The following USP50 variants were observed in gnomAD, a reference collection of about 807,000 sequenced individuals.
USP50 encodes ubiquitin carboxyl-terminal hydrolase 50.
In USP50, 37 loss-of-function variants were observed where a neutral mutation model predicts 39.2. That is an observed-to-expected ratio of 0.94 (90% CI 0.73 to 1.24). USP50 has a LOEUF of 1.24. USP50 is among the 50% of genes most tolerant of loss of function. The pLI, the probability that USP50 is intolerant of heterozygous loss-of-function variation, is 0.00. For missense variants in USP50, 374 were observed against 398.2 expected (o/e 0.94, Z 0.52); for synonymous variants, 139 against 144.5 (o/e 0.96, Z 0.27).
At chr15:50,498,909 T>C (rs768734813), downstream of USP50, 8 of 1,604,868 alleles carry the variant, frequency 5.0e-6, no homozygotes, top group Non-Finnish European at 5.1e-6. Flanking sequence ...ACAGAATCAC[T>C]ACGGTGGGCT....
intron 5 of USP50, among the ~76,000 whole-genome samples, chr15:50,537,763 G>A (rs763054765): frequency 6.6e-6 from 1 of 150,636 alleles, no homozygotes; most frequent in African/African-American, 2.4e-5. Flanking sequence ...TGGAGGCTGA[G>A]GCAGGAGAAT....
At chr15:50,538,990 C>T in intron 4 of USP50, 139 bp from the exon 5 acceptor site, 1 of 862,820 alleles carries the variant, frequency 1.2e-6, no homozygotes. Context: ...CAGAAGACAA[C>T]AGTCTCACTA....
chr15:50,504,539 A>C (rs1040157049), intron 6 of USP50: 2 of 152,170 alleles, frequency 1.3e-5, no homozygotes, highest in African/African-American at 4.8e-5. Flanking sequence ...CAAAAACAAA[A>C]AACACCAGAA....
At chr15:50,538,917 A>G in intron 4 of USP50, 66 bp from the exon 5 acceptor site, 1 of 1,500,748 alleles carries the variant, frequency 6.7e-7, no homozygotes, top group Non-Finnish European at 8.9e-7. Context: ...CTCTGTTTCT[A>G]TTGGAACTTT....
At chr15:50,507,451 T>C (rs1331236911) in intron 6 of USP50, 3 of 152,190 alleles carry the variant, frequency 2.0e-5, no homozygotes, top group African/African-American at 7.2e-5. Context: ...TAGGTAGATA[T>C]GACCAAGAGA....
chr15:50,518,284 G>A (rs1440834508), intron 6 of USP50, among the ~76,000 whole-genome samples: 6 of 150,692 alleles, frequency 4.0e-5, no homozygotes, highest in Non-Finnish European at 7.4e-5. Context: ...GCAGTGGCGC[G>A]ATCTTGGCTC....
At chr15:50,509,172 A>T (rs1276726873) in intron 6 of USP50, 1 of 144,410 alleles carries the variant, frequency 6.9e-6, no homozygotes, top group Non-Finnish European at 1.5e-5. Flanking sequence ...TTACAAAATT[A>T]GCTGGACATG....
intron 3 of USP50, among the ~76,000 whole-genome samples, chr15:50,542,850 T>C (rs1004680702): frequency 1.3e-5 from 2 of 152,094 alleles, no homozygotes; most frequent in African/African-American, 4.8e-5. Context: ...TGAGAACAAT[T>C]AATAGCTATA....
downstream of USP50, chr15:50,497,398 C>A: frequency 1.4e-6 from 1 of 725,096 alleles, no homozygotes; most frequent in Non-Finnish European, 2.0e-6. Context: ...TGTTAGTTCA[C>A]CTCAGTGTTT....
downstream of USP50, chr15:50,498,500 A>G (rs1210315180): frequency 7.1e-7 from 1 of 1,411,314 alleles, no homozygotes; most frequent in African/African-American, 1.5e-5. Flanking sequence ...TTTGAAATGG[A>G]TTTTACAGTC....
At chr15:50,540,953 C>G in intron 4 of USP50, 96 bp downstream of exon 4, 3 of 891,910 alleles carry the variant, frequency 3.4e-6, no homozygotes, top group Non-Finnish European at 5.2e-6. Flanking sequence ...GTTATAAAGC[C>G]GTCTCTCATA....
At chr15:50,524,748 C>T (rs998187367) in intron 6 of USP50, among the ~76,000 whole-genome samples, 3 of 152,150 alleles carry the variant, frequency 2.0e-5, no homozygotes, top group Non-Finnish European at 4.4e-5. Context: ...GTAACACATG[C>T]CTGTAGTCTC....
chr15:50,544,450 C>A (rs780948299), intron 2 of USP50, 137 bp downstream of exon 2: 1 of 684,420 alleles, frequency 1.5e-6, no homozygotes, highest in Non-Finnish European at 2.3e-6. Context: ...CTTACTCTAG[C>A]GTGTTATCTG....
At chr15:50,532,526 T>A (rs3109899) in intron 5 of USP50, among the ~76,000 whole-genome samples, 28,069 of 151,830 alleles carry the variant, frequency 0.18, 3,346 homozygotes, top group East Asian at 0.47. Flanking sequence ...CCCCTCCGCC[T>A]TACCACCCCA....
Position 50,544,753 on chromosome 15 carries a change from G to A in USP50, c.82C>T (p.Leu28Phe). ...TTCCCATCAGCCTCCTTAACTGGAA[G>A]GGTATCATAGTAATCTGTGCACTCT... is the stretch of plus-strand genomic sequence containing the variant. ...LAECTDYYDT[L>F]PVKEADGNQP... The change falls in exon 2 of 7, where the codon CTT (leucine) becomes TTT (phenylalanine). Residue 28 changes from leucine to phenylalanine, a missense_variant. Coordinates refer to ENST00000532404, the MANE Select transcript of USP50 (RefSeq NM_203494.5). The A allele has an allele frequency of 6.2e-7, 1 of 1,614,022 alleles. No homozygotes were observed. Among genetic ancestry groups the A allele is most frequent in the Non-Finnish European group, 8.5e-7 (1 of 1,179,894 alleles).
At chr15:50,539,391 G>GTTTT (rs55858194) in intron 4 of USP50, among the ~76,000 whole-genome samples, 4,244 of 136,024 alleles carry the variant, frequency 0.031, 180 homozygotes, top group African/African-American at 0.1. Context: ...TAACTTTTCT[G>GTTTT]TTTTTTTTTT....
downstream of USP50, chr15:50,497,205 A>C (rs1312380289): frequency 6.2e-7 from 1 of 1,609,834 alleles, no homozygotes. Context: ...GGAAGTTACC[A>C]CCTGTGCTTT....
At chr15:50,533,366 A>G (rs986163692) in intron 5 of USP50, among the ~76,000 whole-genome samples, 1 of 152,136 alleles carries the variant, frequency 6.6e-6, no homozygotes, top group Non-Finnish European at 1.5e-5. Context: ...GGAAGCTCAG[A>G]GAACACCAAG....
downstream of USP50, chr15:50,499,284 T>C (rs2052528802): frequency 2.4e-6 from 1 of 423,802 alleles, no homozygotes; most frequent in Non-Finnish European, 4.0e-6. Context: ...AATCATCACT[T>C]ACAGGTACCA....
Sources: allele counts gnomAD v4.1 joint callset (sites outside exome capture counted in the v4.1 genomes callset), GRCh38; gene constraint gnomAD v4.1.1; transcripts MANE v1.5; gene names NCBI Gene and HGNC (gene_info 2026-07-23, HGNC 2026-07-21).